SLC9A9: variants seen among roughly 807,000 people sequenced by gnomAD.
SLC9A9 encodes the protein sodium/hydrogen exchanger 9.
In SLC9A9, 62 loss-of-function variants were observed where a neutral mutation model predicts 77.8. The observed-to-expected ratio is 0.80, with a 90% confidence interval of 0.65 to 0.98. The LOEUF (loss-of-function observed/expected upper bound fraction) is 0.98, where lower values mean the gene tolerates loss of function less well. Ranked by LOEUF, SLC9A9 falls within the 50% of genes least tolerant of loss-of-function variation. The pLI is 0.00. For synonymous variants in SLC9A9, 320 were observed against 283.5 expected (o/e 1.13, Z -1.29); for missense variants, 775 against 774.9 (o/e 1.00, Z 0.00).
chr3:143,614,693 G>A, intron 6 of SLC9A9, among the ~76,000 whole-genome samples: 1 of 152,158 alleles, frequency 6.6e-6, no homozygotes, highest in East Asian at 1.9e-4. Context: ...TAGGAAATCA[G>A]AAACTTTCCA....
At chr3:143,344,945 T>G (rs1352310856) in intron 14 of SLC9A9, among the ~76,000 whole-genome samples, 1 of 152,188 alleles carries the variant, frequency 6.6e-6, no homozygotes, top group Non-Finnish European at 1.5e-5. Flanking sequence ...TTATCATGAA[T>G]GTAAACTCTG....
chr3:143,675,361 A>G (rs1040481619), intron 5 of SLC9A9, among the ~76,000 whole-genome samples: 1 of 152,202 alleles, frequency 6.6e-6, no homozygotes, highest in Non-Finnish European at 1.5e-5. Context: ...TTGACTTTGT[A>G]TCTATATTCC....
chr3:143,624,937 T>G (rs1366512706), intron 6 of SLC9A9, among the ~76,000 whole-genome samples: 2 of 152,186 alleles, frequency 1.3e-5, no homozygotes, highest in Non-Finnish European at 2.9e-5. Flanking sequence ...AAAATCAATG[T>G]GCAAAAATTA....
At chr3:143,595,857 T>C (rs6773748) in intron 6 of SLC9A9, among the ~76,000 whole-genome samples, 74,924 of 152,056 alleles carry the variant, frequency 0.49, 19,773 homozygotes, top group African/African-American at 0.7. Flanking sequence ...GAGGAACAGG[T>C]TTGGCAGCAG....
chr3:143,827,985 T>C (rs2108886135), intron 2 of SLC9A9, among the ~76,000 whole-genome samples: 1 of 152,300 alleles, frequency 6.6e-6, no homozygotes, highest in East Asian at 1.9e-4. Flanking sequence ...CTCTAGGTCT[T>C]AGCCCCAGGT....
intron 11 of SLC9A9, among the ~76,000 whole-genome samples, chr3:143,475,458 C>T (rs1487671282): frequency 6.6e-6 from 1 of 151,908 alleles, no homozygotes; most frequent in East Asian, 1.9e-4. Context: ...TGGATGAATC[C>T]ATAAGTGAAT....
At chr3:143,775,710 T>C (rs2007666823) in intron 4 of SLC9A9, among the ~76,000 whole-genome samples, 1 of 152,198 alleles carries the variant, frequency 6.6e-6, no homozygotes, top group Non-Finnish European at 1.5e-5. Context: ...TTAACATCCA[T>C]TTTAATATAA....
intron 12 of SLC9A9, among the ~76,000 whole-genome samples, chr3:143,405,106 A>G (rs1236186156): frequency 6.6e-6 from 1 of 152,158 alleles, no homozygotes; most frequent in Admixed American, 6.5e-5. Context: ...CCAGGCATGA[A>G]TGTGATCCCA....
At chr3:143,844,227 T>C (rs1227323142) in intron 1 of SLC9A9, among the ~76,000 whole-genome samples, 5 of 152,184 alleles carry the variant, frequency 3.3e-5, no homozygotes, top group Non-Finnish European at 5.9e-5. Flanking sequence ...TAACAAGAAA[T>C]ATAAAAGAAC....
chr3:143,560,537 A>G (rs1030183796), intron 8 of SLC9A9, among the ~76,000 whole-genome samples: 1 of 152,088 alleles, frequency 6.6e-6, no homozygotes, highest in African/African-American at 2.4e-5. Flanking sequence ...CAGAATTGAC[A>G]TGGTTCTGTG....
chr3:143,641,098 G>A (rs1305654505), intron 6 of SLC9A9, among the ~76,000 whole-genome samples: 5 of 152,090 alleles, frequency 3.3e-5, no homozygotes. Context: ...GAGGATGTCA[G>A]AACAGAGTAA....
chr3:143,358,987 G>T (rs1281505739), intron 14 of SLC9A9, among the ~76,000 whole-genome samples: 3 of 152,234 alleles, frequency 2.0e-5, no homozygotes, highest in Admixed American at 2.0e-4. Flanking sequence ...ATTTAAGTCT[G>T]CTGTGAGTGG....
At chr3:143,523,591 A>C (rs2036355064) in intron 9 of SLC9A9, among the ~76,000 whole-genome samples, 1 of 152,168 alleles carries the variant, frequency 6.6e-6, no homozygotes, top group Non-Finnish European at 1.5e-5. Flanking sequence ...TGAACTTGTG[A>C]ACTTGAAGTC....
Position 143,458,647 on chromosome 3 carries a change from C to T in SLC9A9, c.1469+8390G>A, listed in dbSNP as rs1350664623. Among the ~76,000 whole-genome samples the T allele has an allele frequency of 2.6e-5, 4 of 152,112 alleles. No homozygotes were observed. In the East Asian group the frequency reaches 5.8e-4, roughly 22 times the overall value. On this transcript the variant is annotated intron_variant, in intron 12 of 15. Coordinates refer to ENST00000316549, the MANE Select transcript of SLC9A9 (RefSeq NM_173653.4). ...TACAGTATGAGTATATAATTTTTTA[C>T]AATACATTTTGAATTAATAGTTTAC...
At chr3:143,548,933 C>G (rs967664912) in intron 9 of SLC9A9, among the ~76,000 whole-genome samples, 21 of 152,114 alleles carry the variant, frequency 1.4e-4, no homozygotes. Context: ...AATTTTATAA[C>G]TCAAAGGTGA....
At chr3:143,278,297 G>A (rs1281405204) in intron 14 of SLC9A9, among the ~76,000 whole-genome samples, 2 of 152,184 alleles carry the variant, frequency 1.3e-5, no homozygotes, top group Admixed American at 1.3e-4. Flanking sequence ...AGGGCTGGGG[G>A]TCTAGCTGCT....
chr3:143,806,061 C>A (rs1559806775), intron 2 of SLC9A9, among the ~76,000 whole-genome samples: 1 of 151,580 alleles, frequency 6.6e-6, no homozygotes, highest in Non-Finnish European at 1.5e-5. Context: ...ATCCTTTATT[C>A]TTTTCCCCCC....
At chr3:143,538,420 T>A (rs1392683808) in intron 9 of SLC9A9, among the ~76,000 whole-genome samples, 1 of 152,152 alleles carries the variant, frequency 6.6e-6, no homozygotes, top group African/African-American at 2.4e-5. Context: ...ATGCCAGAAA[T>A]GAATACAGGC....
At chr3:143,660,064 G>A (rs1247580783) in intron 5 of SLC9A9, among the ~76,000 whole-genome samples, 6 of 152,212 alleles carry the variant, frequency 3.9e-5, no homozygotes, top group Admixed American at 3.3e-4. Flanking sequence ...GTGGAGCTGT[G>A]AGTCAATTAA....
Sources: allele counts gnomAD v4.1 joint callset (sites outside exome capture counted in the v4.1 genomes callset), GRCh38; gene constraint gnomAD v4.1.1; transcripts MANE v1.5; gene names NCBI Gene and HGNC (gene_info 2026-07-23, HGNC 2026-07-21).